The following PRKG1 variants were observed in gnomAD, a reference collection of about 807,000 sequenced individuals.
PRKG1 encodes the protein cGMP-dependent protein kinase 1.
In PRKG1, 35 loss-of-function variants were observed where a neutral mutation model predicts 88.1. The ratio of observed to expected loss-of-function variants is 0.40; its 90% CI spans 0.30 to 0.53. The LOEUF is 0.53. Ranked by LOEUF, PRKG1 falls within the 20% of genes least tolerant of loss-of-function variation. The pLI, the probability that PRKG1 is intolerant of heterozygous loss-of-function variation, is 0.59. For synonymous variants in PRKG1, 303 were observed against 292.5 expected, an observed-to-expected ratio of 1.04 and a Z score of -0.37; for missense variants, 540 against 839.8, an observed-to-expected ratio of 0.64 and a Z score of 4.41.
At chr10:51,611,493 A>AC (rs879942419) in intron 3 of PRKG1, among the ~76,000 whole-genome samples, 36 of 151,170 alleles carry the variant, frequency 2.4e-4, no homozygotes, top group Middle Eastern at 6.8e-3. Flanking sequence ...TTAAAAAAAA[A>AC]ACGTTAAATT....
chr10:51,507,281 C>A (rs1841246534), intron 3 of PRKG1, among the ~76,000 whole-genome samples: 1 of 150,248 alleles, frequency 6.7e-6, no homozygotes, highest in African/African-American at 2.4e-5. Context: ...TGCACATGTA[C>A]CCTAAAACTT....
At chr10:51,737,740 A>ATTTATTT (rs765792966) in intron 3 of PRKG1, among the ~76,000 whole-genome samples, 55 of 133,416 alleles carry the variant, frequency 4.1e-4, no homozygotes, top group South Asian at 2.9e-3. Context: ...TTTATTTATT[A>ATTTATTT]ATTATTATTA....
intron 3 of PRKG1, among the ~76,000 whole-genome samples, chr10:51,600,983 G>A (rs1838582241): frequency 6.8e-6 from 1 of 146,414 alleles, no homozygotes; most frequent in Non-Finnish European, 1.5e-5. Context: ...GAGAAAGGGA[G>A]GAGGAAGACA....
chr10:51,818,666 T>TCA (rs1839656082), intron 4 of PRKG1, among the ~76,000 whole-genome samples: 1 of 152,178 alleles, frequency 6.6e-6, no homozygotes, highest in Admixed American at 6.5e-5. Flanking sequence ...TATTCTCTCT[T>TCA]CAGTACTGGC....
intron 5 of PRKG1, among the ~76,000 whole-genome samples, chr10:51,918,445 T>A (rs1430110221): frequency 6.6e-6 from 1 of 152,092 alleles, no homozygotes; most frequent in Non-Finnish European, 1.5e-5. Flanking sequence ...CGAAACAAAG[T>A]GTTTCTAGAC....
At chr10:51,771,569 C>T (rs771840933) in intron 3 of PRKG1, among the ~76,000 whole-genome samples, 16 of 152,060 alleles carry the variant, frequency 1.1e-4, no homozygotes, top group African/African-American at 1.9e-4. Flanking sequence ...TATTATTCCA[C>T]GCTTGGCCTT....
chr10:52,043,626 T>C (rs1038912274), intron 5 of PRKG1, among the ~76,000 whole-genome samples: 4 of 151,970 alleles, frequency 2.6e-5, no homozygotes, highest in Non-Finnish European at 5.9e-5. Flanking sequence ...TAAGTTTTGG[T>C]ATTCTATTTC....
chr10:51,468,814 A>G (rs2132817082), intron 3 of PRKG1, among the ~76,000 whole-genome samples: 1 of 151,988 alleles, frequency 6.6e-6, no homozygotes, highest in South Asian at 2.1e-4. Flanking sequence ...TTCCTTCAGA[A>G]GTACAGCATA....
chr10:51,673,518 G>A (rs1589184386), intron 3 of PRKG1, among the ~76,000 whole-genome samples: 1 of 152,074 alleles, frequency 6.6e-6, no homozygotes, highest in Non-Finnish European at 1.5e-5. Context: ...AATCATGAAG[G>A]ATCTTGTGAA....
chr10:51,961,537 A>G (rs1383751836), intron 5 of PRKG1, among the ~76,000 whole-genome samples: 13 of 152,242 alleles, frequency 8.5e-5, no homozygotes, highest in Middle Eastern at 3.2e-3. Flanking sequence ...TGCACATGCA[A>G]TAACACACAC....
intron 3 of PRKG1, among the ~76,000 whole-genome samples, chr10:51,604,479 T>G (rs1838702860): frequency 6.6e-6 from 1 of 152,206 alleles, no homozygotes; most frequent in African/African-American, 2.4e-5. Context: ...ATGAGCTCTT[T>G]AAAGGCCCAA....
At chr10:51,354,660 G>A (rs1330585948) in intron 2 of PRKG1, among the ~76,000 whole-genome samples, 6 of 152,006 alleles carry the variant, frequency 3.9e-5, no homozygotes, top group Non-Finnish European at 7.4e-5. Flanking sequence ...TATTCTCCAT[G>A]TTGTGTAATT....
chr10:51,445,240 G>C (rs910116725), intron 2 of PRKG1, among the ~76,000 whole-genome samples: 1 of 151,892 alleles, frequency 6.6e-6, no homozygotes, highest in Non-Finnish European at 1.5e-5. Flanking sequence ...AAAATGAGGA[G>C]ATGGAAACCA....
chr10:52,203,611 T>C (rs1839733395), intron 9 of PRKG1, among the ~76,000 whole-genome samples: 1 of 152,184 alleles, frequency 6.6e-6, no homozygotes, highest in Non-Finnish European at 1.5e-5. Context: ...TAACAAGTGG[T>C]GTGTAGAAGT....
chr10:51,773,339 T>C (rs983504799), intron 3 of PRKG1, among the ~76,000 whole-genome samples: 2 of 152,102 alleles, frequency 1.3e-5, no homozygotes, highest in African/African-American at 4.8e-5. Context: ...CAAATACAGA[T>C]TTCCATAGAT....
chr10:51,067,068 A>G (rs888484270), intron 1 of PRKG1, among the ~76,000 whole-genome samples: 1 of 151,870 alleles, frequency 6.6e-6, no homozygotes, highest in African/African-American at 2.4e-5. Context: ...AAGAATCACC[A>G]CTTAAAAGAT....
rs1297866574 is a variant in PRKG1, at chr10:51,842,670, G to GT, written c.698+37981dup. ...TATGTTAGATAACAAAATTATGTGT[G>GT]TATGTATGTGCATACTATATGTGTA... On this transcript the variant is annotated intron_variant, in intron 4 of 17. Coordinates refer to ENST00000373980, the MANE Select transcript of PRKG1 (RefSeq NM_006258.4). 2.0e-5 allele frequency among the ~76,000 whole-genome samples: 3 copies of GT among 152,190 alleles called. No homozygotes were observed. The East Asian group carries it at 5.8e-4, about 29-fold the overall frequency.
chr10:51,947,524 A>G (rs563029933), intron 5 of PRKG1, among the ~76,000 whole-genome samples: 63 of 152,220 alleles, frequency 4.1e-4, no homozygotes, highest in African/African-American at 1.5e-3. Context: ...GGTACCTCAG[A>G]TGGAAATGCA....
chr10:52,137,365 A>G (rs1353851056), intron 8 of PRKG1, among the ~76,000 whole-genome samples: 1 of 152,102 alleles, frequency 6.6e-6, no homozygotes, highest in Non-Finnish European at 1.5e-5. Context: ...AATATTGTAT[A>G]AAAAGAATAT....
Sources: allele counts gnomAD v4.1 joint callset (sites outside exome capture counted in the v4.1 genomes callset), GRCh38; gene constraint gnomAD v4.1.1; transcripts MANE v1.5; gene names NCBI Gene and HGNC (gene_info 2026-07-23, HGNC 2026-07-21).